Variants in CALD1 observed in about 807,000 individuals in gnomAD.
CALD1 encodes the protein caldesmon.
A neutral mutation model predicts 99.9 loss-of-function variants in CALD1; 33 were observed. The observed-to-expected ratio is 0.33, with a 90% CI of 0.25 to 0.44. The LOEUF (loss-of-function observed/expected upper bound fraction) is 0.44, where lower values mean the gene tolerates loss of function less well. Among genes scored for constraint, CALD1 ranks in the 20% least tolerant of loss-of-function variants. The probability of loss-of-function intolerance (pLI) is 1.00; values close to 1 mark genes in which losing one functional copy is unlikely to be tolerated. For synonymous variants in CALD1, 310 were observed against 325.0 expected (o/e 0.95, Z 0.50); for missense variants, 861 against 962.1 (o/e 0.89, Z 1.39).
chr7:134,832,270 A>G (rs1586057775), intron 1 of CALD1, among the ~76,000 whole-genome samples: 2 of 152,178 alleles, frequency 1.3e-5, no homozygotes, highest in East Asian at 3.8e-4. Flanking sequence ...ACAGGTATGG[A>G]CCATCAGGAG....
chr7:134,891,651 C>G (rs765638052), intron 3 of CALD1: 4 of 1,607,528 alleles, frequency 2.5e-6, no homozygotes, highest in African/African-American at 2.7e-5. Context: ...GCATGGAAGA[C>G]GCAGCCTGGC....
chr7:134,919,189 G>A (rs1273035834), intron 3 of CALD1, among the ~76,000 whole-genome samples: 1 of 152,122 alleles, frequency 6.6e-6, no homozygotes, highest in African/African-American at 2.4e-5. Context: ...TACGCTTGGG[G>A]ATCCGCCTGC....
chr7:134,712,170 T>C, the CALD1 span, among the ~76,000 whole-genome samples: 1 of 152,142 alleles, frequency 6.6e-6, no homozygotes, highest in Admixed American at 6.5e-5. Context: ...AAACAATGCT[T>C]AGAGTACTCG....
intron 3 of CALD1, chr7:134,891,572 G>A (rs371332466): frequency 1.9e-4 from 307 of 1,578,152 alleles, no homozygotes; most frequent in Admixed American, 3.6e-4. Context: ...GCCCGGCCTG[G>A]CCAGGTCTCC....
At chr7:134,967,910 G>A (rs1016024075) in intron 14 of CALD1, among the ~76,000 whole-genome samples, 1 of 152,116 alleles carries the variant, frequency 6.6e-6, no homozygotes, top group Non-Finnish European at 1.5e-5. Flanking sequence ...TTGGGAGGCC[G>A]AGGCAGGCAG....
At chr7:134,744,045 AC>A (rs1166266440), upstream of CALD1, among the ~76,000 whole-genome samples, 1 of 152,128 alleles carries the variant, frequency 6.6e-6, no homozygotes, top group Non-Finnish European at 1.5e-5. Context: ...ATGACAGCGG[AC>A]CCCTCTTTTC....
the CALD1 span, among the ~76,000 whole-genome samples, chr7:134,736,802 C>T: frequency 5.7e-4 from 87 of 152,142 alleles, no homozygotes; most frequent in Non-Finnish European, 9.7e-4. Flanking sequence ...CTGGCCATTG[C>T]TTTCTCTAAT....
chr7:134,948,050 C>G (rs1018692239), intron 8 of CALD1: 1 of 302,060 alleles, frequency 3.3e-6, no homozygotes, highest in Non-Finnish European at 6.1e-6. Context: ...CCAAGGTCTC[C>G]CTTGAGTCTG....
Position 134,759,630 on chromosome 7 carries a change from C to A in CALD1, c.-130+15267C>A, listed in dbSNP as rs965688530. On this transcript the variant is annotated intron_variant, in intron 1 of 13. Transcript: ENST00000417172. ...GATTCGCGAGGGATGTCCAAGATGC[C>A]CCTGGACAGAGGGCTAGGAGCTAAA... Among the ~76,000 whole-genome samples, 9 of 152,174 alleles carry A rather than the reference C, an allele frequency of 5.9e-5. No homozygotes were observed. In the South Asian group the frequency reaches 8.3e-4, roughly 14 times the overall value.
At chr7:134,953,904 T>C (rs987489695) in intron 9 of CALD1, among the ~76,000 whole-genome samples, 2 of 152,176 alleles carry the variant, frequency 1.3e-5, no homozygotes, top group African/African-American at 4.8e-5. Flanking sequence ...TAAATTTCTA[T>C]GTAAGAGAGA....
At chr7:134,899,645 G>GTTTTTC (rs1283339107) in intron 3 of CALD1, among the ~76,000 whole-genome samples, 7 of 151,458 alleles carry the variant, frequency 4.6e-5, no homozygotes, top group African/African-American at 1.7e-4. Flanking sequence ...TTTTGTTTTT[G>GTTTTTC]TTTTTGTTTT....
intron 1 of CALD1, among the ~76,000 whole-genome samples, chr7:134,837,015 T>C (rs1341967117): frequency 1.3e-5 from 2 of 151,848 alleles, no homozygotes; most frequent in African/African-American, 4.8e-5. Context: ...TGTACTATCA[T>C]AGAACAGGAT....
intron 1 of CALD1, among the ~76,000 whole-genome samples, chr7:134,823,936 A>G (rs1007792439): frequency 2.6e-5 from 4 of 152,220 alleles, no homozygotes; most frequent in African/African-American, 9.6e-5. Context: ...AGAACATGCC[A>G]TATGATTTTT....
intron 1 of CALD1, among the ~76,000 whole-genome samples, chr7:134,767,147 G>C (rs1796833394): frequency 6.6e-6 from 1 of 151,942 alleles, no homozygotes. Flanking sequence ...AAGCTGCAAA[G>C]ATATTTCAGT....
intron 1 of CALD1, among the ~76,000 whole-genome samples, chr7:134,837,674 T>A (rs1007487701): frequency 6.6e-6 from 1 of 152,092 alleles, no homozygotes; most frequent in Non-Finnish European, 1.5e-5. Flanking sequence ...AAGCATATGA[T>A]ATATGCCAGA....
intron 1 of CALD1, among the ~76,000 whole-genome samples, chr7:134,814,931 G>A (rs768761088): frequency 2.6e-5 from 4 of 152,168 alleles, no homozygotes; most frequent in Non-Finnish European, 2.9e-5. Flanking sequence ...GCTGGATCAC[G>A]TGACATCTAG....
intron 3 of CALD1, among the ~76,000 whole-genome samples, chr7:134,922,867 A>T (rs1259978524): frequency 1.3e-5 from 2 of 152,198 alleles, no homozygotes; most frequent in African/African-American, 4.8e-5. Context: ...TTAAAGACCT[A>T]AAATATCTTC....
At chr7:134,814,536 G>A (rs557640711) in intron 1 of CALD1, among the ~76,000 whole-genome samples, 1 of 152,236 alleles carries the variant, frequency 6.6e-6, no homozygotes, top group South Asian at 2.1e-4. Context: ...CAGAATTCTG[G>A]GGCTCCCTTT....
At chr7:134,858,955 A>T (rs139841603) in intron 2 of CALD1, among the ~76,000 whole-genome samples, 252 of 152,338 alleles carry the variant, frequency 1.7e-3, no homozygotes, top group South Asian at 3.3e-3. Context: ...TATGGGGGCC[A>T]CTAAACACAT....
Sources: gnomAD v4.1 joint callset for allele counts (sites outside exome capture counted in the v4.1 genomes callset) on GRCh38, gnomAD v4.1.1 for gene constraint, MANE v1.5 for transcripts, NCBI Gene and HGNC (gene_info 2026-07-23, HGNC 2026-07-21) for gene names.